MCTP1: variants seen among roughly 807,000 people sequenced by gnomAD.
MCTP1 encodes the protein multiple C2 and transmembrane domain containing 1.
MCTP1 carries 69 observed loss-of-function variants against 120.6 expected under a neutral mutation model. That is an observed-to-expected ratio of 0.57 (90% CI 0.47 to 0.70). MCTP1 has a LOEUF of 0.70. Among genes scored for constraint, MCTP1 ranks in the 30% least tolerant of loss-of-function variants. The pLI is 0.00. For missense variants in MCTP1, 1,203 were observed against 1,248.8 expected (o/e 0.96, Z 0.55); for synonymous variants, 529 against 493.1 (o/e 1.07, Z -0.96).
rs144876420 is a variant in MCTP1, at chr5:94,796,028, G to T, written c.2556+2985C>A. ...ACTCCTTAAACAATAAACACACAAAGAAACACTTTCCTGTTTGGTATTAAT... is the reference window on the plus strand; with the variant it reads ...ACTCCTTAAACAATAAACACACAAATAAACACTTTCCTGTTTGGTATTAAT... On this transcript the variant is annotated intron_variant, in intron 18 of 22. Coordinates refer to ENST00000515393, the MANE Select transcript of MCTP1 (RefSeq NM_024717.7). Among the ~76,000 whole-genome samples the T allele has an allele frequency of 3.4e-3, 525 of 152,288 alleles. 2 individuals are homozygous for T. The highest frequency in any genetic ancestry group is 0.02 in the South Asian group (94 of 4,820).
intron 1 of MCTP1, among the ~76,000 whole-genome samples, chr5:95,095,090 C>T (rs1475025087): frequency 8.7e-6 from 1 of 115,540 alleles, no homozygotes; most frequent in Admixed American, 1.3e-4. Flanking sequence ...GTGGCGCGAT[C>T]TAGGCTCACT....
intron 1 of MCTP1, among the ~76,000 whole-genome samples, chr5:95,201,994 T>C (rs1234575048): frequency 6.6e-6 from 1 of 152,194 alleles, no homozygotes; most frequent in Non-Finnish European, 1.5e-5. Context: ...ATTTCAGATG[T>C]CTACTTGACT....
At chr5:95,164,636 C>T (rs1028855353) in intron 1 of MCTP1, among the ~76,000 whole-genome samples, 1 of 152,002 alleles carries the variant, frequency 6.6e-6, no homozygotes, top group African/African-American at 2.4e-5. Context: ...CAGATTTATA[C>T]TAAAATGTAT....
In MCTP1 at chr5:94,894,075, A is replaced by G. The variant is rs557033368; in HGVS notation, c.1839+574T>C. 2.0e-5 allele frequency among the ~76,000 whole-genome samples: 3 copies of G among 152,338 alleles called. No individual in the cohort carries two copies. In the South Asian group the frequency reaches 6.2e-4, roughly 32 times the overall value. On this transcript the variant is annotated intron_variant, in intron 11 of 22. Transcript: ENST00000515393. ...TAGGTAAAATTTGAAGAGGGTAGTC[A>G]TTTTAGTGATTCACTATTCCATACT...
chr5:94,948,574 T>A (rs1329499088), intron 3 of MCTP1, among the ~76,000 whole-genome samples: 1 of 152,204 alleles, frequency 6.6e-6, no homozygotes, highest in Admixed American at 6.5e-5. Flanking sequence ...ATGAATACCT[T>A]GGTTTGGGTG....
chr5:95,138,255 A>G (rs1449328587), intron 1 of MCTP1, among the ~76,000 whole-genome samples: 5 of 149,960 alleles, frequency 3.3e-5, no homozygotes, highest in Admixed American at 6.6e-5. Flanking sequence ...CATTAAAATA[A>G]TATGTGTTTT....
chr5:95,269,664 C>G (rs1759201859), intron 1 of MCTP1, among the ~76,000 whole-genome samples: 1 of 152,206 alleles, frequency 6.6e-6, no homozygotes, highest in African/African-American at 2.4e-5. Flanking sequence ...GTATTTAGCA[C>G]TGGCGTGGTG....
At chr5:94,750,299 A>G (rs1580462864) in intron 19 of MCTP1, among the ~76,000 whole-genome samples, 1 of 152,238 alleles carries the variant, frequency 6.6e-6, no homozygotes. Flanking sequence ...TACAGGGGGA[A>G]GCATTATTTT....
intron 1 of MCTP1, among the ~76,000 whole-genome samples, chr5:95,094,998 T>A (rs1756119401): frequency 6.7e-6 from 1 of 148,632 alleles, no homozygotes; most frequent in Non-Finnish European, 1.5e-5. Flanking sequence ...TTTTATTTGT[T>A]ATGTTAGATT....
intron 1 of MCTP1, among the ~76,000 whole-genome samples, chr5:95,185,043 G>C (rs1749050006): frequency 6.6e-6 from 1 of 152,148 alleles, no homozygotes; most frequent in Non-Finnish European, 1.5e-5. Flanking sequence ...AGCCGGCTCT[G>C]CATGAATTAC....
chr5:95,243,514 C>T (rs1756403130), intron 1 of MCTP1, among the ~76,000 whole-genome samples: 1 of 152,154 alleles, frequency 6.6e-6, no homozygotes, highest in South Asian at 2.1e-4. Context: ...AGCCAGACCA[C>T]AAAGGGTCTA....
intron 2 of MCTP1, among the ~76,000 whole-genome samples, chr5:94,991,703 G>A (rs867007371): frequency 3.2e-5 from 4 of 123,952 alleles, no homozygotes; most frequent in Admixed American, 9.4e-5. Context: ...GTGAAACCTC[G>A]TCTCTACTAA....
At chr5:95,272,788 A>C (rs1459197612) in intron 1 of MCTP1, among the ~76,000 whole-genome samples, 1 of 152,180 alleles carries the variant, frequency 6.6e-6, no homozygotes, top group African/African-American at 2.4e-5. Context: ...CACCAGCCTG[A>C]GTGTAGAACA....
At chr5:95,001,860 C>A (rs1286891949) in intron 2 of MCTP1, among the ~76,000 whole-genome samples, 1 of 152,182 alleles carries the variant, frequency 6.6e-6, no homozygotes, top group Admixed American at 6.5e-5. Context: ...ATCACGAAGA[C>A]AATGGGGAAA....
chr5:94,850,558 C>T (rs152285), intron 17 of MCTP1, among the ~76,000 whole-genome samples: 134,003 of 152,102 alleles, frequency 0.88, 59,214 homozygotes, highest in East Asian at 0.98. Context: ...TACTGACAAG[C>T]AGCTAAGCCC....
At position 94,976,713 on chromosome 5, in the gene MCTP1, G is replaced by A. The variant is rs186111808; in HGVS notation, c.839-23352C>T. 18 of 152,186 alleles carry A rather than the reference G, an allele frequency of 1.2e-4. No homozygotes were observed. In the East Asian group the frequency reaches 2.1e-3, roughly 18 times the overall value. 9.4% of individuals were successfully genotyped at this position (152,186 alleles called of 1,614,324 possible). A position where few individuals can be genotyped will look rare whatever the true frequency, so the allele number is the denominator to read the frequency against. On this transcript the variant is annotated intron_variant, in intron 2 of 22. Transcript: ENST00000515393. ...TATTTAGAAGGAAGGTTTTTCTTAT[G>A]TGTATAGAGAAGTTATGGTTGAGAT...
At position 95,125,398 on chromosome 5, in the gene MCTP1, T is replaced by C. The variant is rs148720610; in HGVS notation, c.721-107914A>G. Among the ~76,000 whole-genome samples the C allele has an allele frequency of 3.3e-5, 5 of 152,254 alleles. No individual in the cohort carries two copies. In the East Asian group the frequency reaches 7.7e-4, roughly 24 times the overall value. On this transcript the variant is annotated intron_variant, in intron 1 of 22. Transcript: ENST00000515393. ...ATGTCTGCTGTTAACTAACTGACCT[T>C]AGCTGCCACCTGAGTCTCCACGCCT...
intron 17 of MCTP1, among the ~76,000 whole-genome samples, chr5:94,864,533 C>G (rs535975365): frequency 6.6e-6 from 1 of 151,858 alleles, no homozygotes; most frequent in Non-Finnish European, 1.5e-5. Context: ...GTTAACTGAT[C>G]AATACTTTGT....
intron 19 of MCTP1, among the ~76,000 whole-genome samples, chr5:94,715,730 C>T (rs1420042180): frequency 2.6e-5 from 4 of 152,182 alleles, no homozygotes; most frequent in Non-Finnish European, 5.9e-5. Flanking sequence ...GAAAATTCTG[C>T]TTAGTAGCCT....
Sources: allele counts gnomAD v4.1 joint callset (sites outside exome capture counted in the v4.1 genomes callset), GRCh38; gene constraint gnomAD v4.1.1; transcripts MANE v1.5; gene names NCBI Gene and HGNC (gene_info 2026-07-23, HGNC 2026-07-21).